The following COCH variants were observed in gnomAD, a reference collection of about 807,000 sequenced individuals.
COCH encodes cochlin, also known as coagulation factor C homolog, cochlin (Limulus polyphemus).
COCH carries 40 observed loss-of-function variants against 54.8 expected under a neutral mutation model. The observed-to-expected ratio is 0.73, with a 90% CI of 0.57 to 0.95. COCH has a LOEUF of 0.95. Ranked by LOEUF, COCH falls within the 40% of genes least tolerant of loss-of-function variation. The probability of loss-of-function intolerance (pLI) is 0.00; values close to 1 mark genes in which losing one functional copy is unlikely to be tolerated. For synonymous variants in COCH, 256 were observed against 237.9 expected, an observed-to-expected ratio of 1.08 and a Z score of -0.70; for missense variants, 605 against 675.0, an observed-to-expected ratio of 0.90 and a Z score of 1.15.
chr14:30,894,077 T>A (rs992328650), downstream of COCH: 18 of 152,592 alleles, frequency 1.2e-4, no homozygotes, highest in African/African-American at 4.3e-4. Context: ...TACTTTATTG[T>A]CTTAATCATG....
At chr14:30,874,813 C>T in intron 1 of COCH, 103 bp from the exon 2 acceptor site, 3 of 1,117,956 alleles carry the variant, frequency 2.7e-6, no homozygotes, top group South Asian at 2.5e-5. Context: ...TGTCCTCTCT[C>T]CTCTGCGCCG....
At chr14:30,892,645 T>C (rs1285626834), downstream of COCH, among the ~76,000 whole-genome samples, 1 of 152,088 alleles carries the variant, frequency 6.6e-6, no homozygotes, top group Non-Finnish European at 1.5e-5. Flanking sequence ...CTGTCTCTAC[T>C]AAAAATACAA....
intron 11 of COCH, among the ~76,000 whole-genome samples, chr14:30,888,913 T>C (rs925143849): frequency 1.6e-4 from 25 of 152,076 alleles, no homozygotes; most frequent in African/African-American, 6.0e-4. Flanking sequence ...CTAAAGTGAA[T>C]GGAAATAGAA....
At position 30,875,061 on chromosome 14, in the gene COCH, T is replaced by C; in HGVS notation, c.40T>C (p.Cys14Arg). 1.2e-6 allele frequency: 2 copies of C among 1,607,212 alleles called. No individual in the cohort carries two copies. Among genetic ancestry groups the C allele is most frequent in the Non-Finnish European group, 1.7e-6 (2 of 1,177,464 alleles). Residue 14 changes from cysteine to arginine, a missense_variant, in exon 3 of 12, where the codon TGT (cysteine) becomes CGT (arginine). Physicochemically the swap from Cys to Arg is radical, Grantham distance 180 (BLOSUM62 -3). Coordinates refer to ENST00000396618, the MANE Select transcript of COCH (RefSeq NM_004086.3). ...TCACGCTTCTCTCTTCGCAGGTGTG[T>C]GTCTGCTGCTGCTGCCGGGGCCCGC... is the stretch of plus-strand genomic sequence containing the variant. ...AWIPALGLGVCLLLLPGPAGS... is the reference protein window; with the variant it reads ...AWIPALGLGVRLLLLPGPAGS...
Position 30,890,125 on chromosome 14 carries a change from ATACT to A in COCH, c.*337_*340del, listed in dbSNP as rs1895932653. 1 of 1,017,616 alleles carries A rather than the reference ATACT, an allele frequency of 9.8e-7. No homozygotes were observed. Among genetic ancestry groups the A allele is most frequent in the African/African-American group, 1.7e-5 (1 of 58,256 alleles). The allele number at this position is 1,017,616 out of a possible 1,614,324, so 63.0% of individuals were successfully genotyped here. Reference sequence around the variant, plus strand: ...TTCCATAGCTCAATAAAAGAATCTGATACTTAGACCAAAAGCAACATTCGTTCTC... The same window carrying A: ...TTCCATAGCTCAATAAAAGAATCTGATAGACCAAAAGCAACATTCGTTCTC... On this transcript the variant is annotated 3_prime_UTR_variant, in exon 12 of 12. Transcript: ENST00000396618.
At position 30,882,120 on chromosome 14, in the gene COCH, G is replaced by GTTTTGTTTTTTT. The variant is rs1895617844; in HGVS notation, c.629+1390_629+1391insGTTTTTTTTTTT. Among the ~76,000 whole-genome samples the GTTTTGTTTTTTT allele has an allele frequency of 2.5e-4, 17 of 67,912 alleles. No homozygotes were observed. In the East Asian group the frequency reaches 4.4e-3, roughly 18 times the overall value. 44.6% of individuals were successfully genotyped at this position (67,912 alleles called of 152,430 possible). A position where few individuals can be genotyped will look rare whatever the true frequency, so the allele number is the denominator to read the frequency against. On this transcript the variant is annotated intron_variant, in intron 8 of 11. Transcript: ENST00000396618. ...CCCTAGAGATAATCACTATAAAATG[G>GTTTTGTTTTTTT]TTTTTTTTTTTTTTTTTTTTTTTTT...
chr14:30,884,711 G>A (rs983338620), intron 9 of COCH, 55 bp downstream of exon 9: 6 of 1,401,740 alleles, frequency 4.3e-6, no homozygotes, highest in Non-Finnish European at 5.1e-6. Flanking sequence ...TCAGTGATCA[G>A]ACATGTAAAA....
At chr14:30,879,000 C>G (rs1895475173) in intron 5 of COCH, 56 bp downstream of exon 5, 4 of 1,606,892 alleles carry the variant, frequency 2.5e-6, no homozygotes, top group Middle Eastern at 2.1e-4. Context: ...CAAACGTTTT[C>G]TGCTTTTTTT....
At chr14:30,891,948 T>C (rs1895991616), downstream of COCH, among the ~76,000 whole-genome samples, 2 of 152,218 alleles carry the variant, frequency 1.3e-5, no homozygotes, top group African/African-American at 2.4e-5. Flanking sequence ...AGATTTCAAA[T>C]ATGCTGGCCC....
In COCH at chr14:30,875,056, G is replaced by C. The variant is rs1213767677; in HGVS notation, c.35G>C (p.Gly12Ala). Residue 12 changes from glycine to alanine, a missense_variant and splice_region_variant, in exon 3 of 12, where the codon GGT becomes GCT. Gly to Ala is a moderately conservative substitution (Grantham distance 60). Transcript: ENST00000396618. ...AGCCCTCACGCTTCTCTCTTCGCAGGTGTGTGTCTGCTGCTGCTGCCGGGG... is the reference window on the plus strand; with the variant it reads ...AGCCCTCACGCTTCTCTCTTCGCAGCTGTGTGTCTGCTGCTGCTGCCGGGG... ...SAAWIPALGLGVCLLLLPGPA... is the reference protein window; with the variant it reads ...SAAWIPALGLAVCLLLLPGPA... 6.2e-7 allele frequency: 1 copy of C among 1,609,744 alleles called. No individual in the cohort carries two copies. Among genetic ancestry groups the C allele is most frequent in the East Asian group, 2.2e-5 (1 of 44,794 alleles).
downstream of COCH, among the ~76,000 whole-genome samples, chr14:30,891,663 G>A (rs1895985583): frequency 6.6e-6 from 1 of 152,180 alleles, no homozygotes; most frequent in African/African-American, 2.4e-5. Context: ...AAAACTCTCA[G>A]CTAGGAGTAC....
At position 30,879,371 on chromosome 14, in the gene COCH, A is replaced by G. The variant is rs1299180513; in HGVS notation, c.374-52A>G. 2.6e-6 allele frequency: 4 copies of G among 1,553,698 alleles called. No homozygotes were observed. The African/African-American group carries it at 5.5e-5, about 21-fold the overall frequency. ...GAGAGCTCTAAATTAGATTCATAAT[A>G]CTTTGGTAAAGAAGGAAAAGGAAAA... is the stretch of plus-strand genomic sequence containing the variant. On this transcript the variant is annotated intron_variant, in intron 5 of 11. Transcript: ENST00000396618.
At position 30,887,411 on chromosome 14, in the gene COCH, A is replaced by C. The variant is rs1219155133; in HGVS notation, c.1477+1099A>C. Among the ~76,000 whole-genome samples, 3 of 151,910 alleles carry C rather than the reference A, an allele frequency of 2.0e-5. No individual in the cohort carries two copies. The East Asian group carries it at 5.8e-4, about 29-fold the overall frequency. On this transcript the variant is annotated intron_variant, in intron 11 of 11. Coordinates refer to ENST00000396618, the MANE Select transcript of COCH (RefSeq NM_004086.3). ...TCTGTCTCAAAAAGAAAAAAAAAAAAAAAAAAAAACTTTTTCCCCCCCGCT... is the reference window on the plus strand; with the variant it reads ...TCTGTCTCAAAAAGAAAAAAAAAAACAAAAAAAAACTTTTTCCCCCCCGCT...
intron 8 of COCH, among the ~76,000 whole-genome samples, chr14:30,883,214 TA>T (rs150127690): frequency 0.011 from 1,663 of 152,360 alleles, 37 homozygotes; most frequent in African/African-American, 0.038. Context: ...AATCCTTACA[TA>T]TTTTTTTCTA....
intron 11 of COCH, among the ~76,000 whole-genome samples, chr14:30,887,483 G>T (rs990086966): frequency 6.6e-6 from 1 of 151,982 alleles, no homozygotes; most frequent in African/African-American, 2.4e-5. Context: ...GTATAAGAAG[G>T]GTTTCTTTCT....
chr14:30,889,403 C>T (rs1594390557), intron 11 of COCH: 1 of 552,006 alleles, frequency 1.8e-6, no homozygotes, highest in East Asian at 3.1e-5. Context: ...TGGCGAATTA[C>T]AGATATAGCA....
chr14:30,886,644 C>T (rs768393921), intron 11 of COCH, among the ~76,000 whole-genome samples: 61 of 152,308 alleles, frequency 4.0e-4, no homozygotes, highest in Middle Eastern at 6.8e-3. Flanking sequence ...TTAAGGTGCT[C>T]ATATTTAGCT....
In COCH at chr14:30,877,495, C is replaced by T; in HGVS notation, c.83-77C>T. 2.6e-6 allele frequency: 4 copies of T among 1,561,712 alleles called. No individual in the cohort carries two copies. Among genetic ancestry groups the T allele is most frequent in the Middle Eastern group, 1.7e-4 (1 of 6,002 alleles). ...GAAATTAGGGAAGTAAAACTTAAAT[C>T]TCACACTGTAGTCTCCCCACCACTA... On this transcript the variant is annotated intron_variant, in intron 3 of 11. Coordinates refer to ENST00000396618, the MANE Select transcript of COCH (RefSeq NM_004086.3). This position sits in a 1 kb window ranked among gnomAD's most constrained non-coding sequence, Gnocchi z 8.6.
chr14:30,884,910 A>C (rs776917745), intron 9 of COCH: 1 of 1,595,870 alleles, frequency 6.3e-7, no homozygotes. Flanking sequence ...GATTGACTAG[A>C]TATAACATTG....
Sources: gnomAD v4.1 joint callset for allele counts (sites outside exome capture counted in the v4.1 genomes callset) on GRCh38, gnomAD v4.1.1 for gene constraint, Gnocchi (gnomAD v3.1) non-coding constraint, MANE v1.5 for transcripts, NCBI Gene and HGNC (gene_info 2026-07-23, HGNC 2026-07-21) for gene names.